N4BP2L2: variants seen among roughly 807,000 people sequenced by gnomAD.
The protein encoded by N4BP2L2 is NEDD4 binding protein 2 like 2.
In N4BP2L2, 50 loss-of-function variants were observed where a neutral mutation model predicts 56.2. That is an observed-to-expected ratio of 0.89 (90% CI 0.71 to 1.13). The LOEUF (loss-of-function observed/expected upper bound fraction) is 1.13. Ranked by LOEUF, N4BP2L2 falls within the 50% of genes most tolerant of loss-of-function variation. N4BP2L2 has a pLI of 0.00. For synonymous variants in N4BP2L2, 203 were observed against 223.6 expected (o/e 0.91, Z 0.82); for missense variants, 689 against 693.8 (o/e 0.99, Z 0.08).
chr13:32,450,207 G>A (rs2077699385), intron 6 of N4BP2L2, among the ~76,000 whole-genome samples: 1 of 152,124 alleles, frequency 6.6e-6, no homozygotes, highest in African/African-American at 2.4e-5. Context: ...AGTTAACTTT[G>A]AAATTAGTAA....
intron 6 of N4BP2L2, among the ~76,000 whole-genome samples, chr13:32,492,984 A>G (rs2087568714): frequency 7.7e-6 from 1 of 130,158 alleles, no homozygotes; most frequent in Admixed American, 9.0e-5. Flanking sequence ...GTGCTGTGGT[A>G]CGATCTCAGC....
chr13:32,442,453 A>AG lies in N4BP2L2; in HGVS notation c.2038dup (p.Leu680ProfsTer28). The AG allele has an allele frequency of 6.2e-7, 1 of 1,612,498 alleles. No individual in the cohort carries two copies. The highest frequency in any genetic ancestry group is 1.3e-5 in the African/African-American group (1 of 75,050). On this transcript the variant is annotated frameshift_variant, in exon 7 of 10. Transcript: ENST00000357505. LOFTEE classifies it high-confidence loss of function. ...AAAGGCAAACCCTTGTGATAATGGT[A>AG]GCTCAAGGGAACGGTAGTCAGTGCT...
intron 6 of N4BP2L2, among the ~76,000 whole-genome samples, chr13:32,467,474 C>A (rs989701704): frequency 1.3e-5 from 2 of 151,144 alleles, no homozygotes; most frequent in Non-Finnish European, 3.0e-5. Context: ...TTTAGGGTTT[C>A]GCTATGTTGG....
At chr13:32,460,336 A>T (rs1407950215) in intron 6 of N4BP2L2, among the ~76,000 whole-genome samples, 1 of 152,206 alleles carries the variant, frequency 6.6e-6, no homozygotes, top group Non-Finnish European at 1.5e-5. Flanking sequence ...AATAAAAAGC[A>T]TCCAAATTGA....
chr13:32,443,327 C>T, exon 7 of N4BP2L2: 1 of 1,614,020 alleles, frequency 6.2e-7, no homozygotes, highest in African/African-American at 1.3e-5. Context: ...CATGCTCTAT[C>T]TTTCTTTGGT....
rs199957648 is a variant in N4BP2L2 at position 32,435,306 on chromosome 13, TCAC to T, written c.*21+1052_*21+1054del. ...TGGAGTGCAGTGGGGCGATCTCAGC[TCAC>T]CACAACCTCTGCCTCCCAGGTTCAA... On this transcript the variant is annotated intron_variant, in intron 9 of 9. Transcript: ENST00000357505. Among the ~76,000 whole-genome samples the T allele has an allele frequency of 8.9e-3, 1,359 of 152,272 alleles. 28 individuals are homozygous for T. The highest frequency in any genetic ancestry group is 0.031 in the African/African-American group (1,274 of 41,548).
chr13:32,503,917 G>T (rs1593922977), intron 6 of N4BP2L2, among the ~76,000 whole-genome samples: 1 of 152,130 alleles, frequency 6.6e-6, no homozygotes, highest in African/African-American at 2.4e-5. Flanking sequence ...GATTGCTTGA[G>T]CCCAGGAGTT....
rs35025430 is a variant in N4BP2L2 at position 32,492,916 on chromosome 13, G to GTTTTTTTTT, written c.365+24932_365+24940dup. ...TGTGTGAATGTTTTGTAGCTTTTCT[G>GTTTTTTTTT]TTTTTTTTTTTTTTTTTTTTGAGAC... On this transcript the variant is annotated intron_variant, in intron 6 of 9. Coordinates refer to the N4BP2L2 transcript ENST00000357505. Among the ~76,000 whole-genome samples the GTTTTTTTTT allele has an allele frequency of 2.3e-4, 25 of 107,516 alleles. 1 individual carries two copies. Among genetic ancestry groups the GTTTTTTTTT allele is most frequent in the African/African-American group, 5.9e-4 (16 of 27,120 alleles). The allele number at this position is 107,516 out of a possible 152,430, so 70.5% of individuals were successfully genotyped here.
chr13:32,513,108 T>C (rs1027395950), exon 6 of N4BP2L2: 1 of 152,178 alleles, frequency 6.6e-6, no homozygotes, highest in Non-Finnish European at 1.5e-5. Context: ...TTACAAAAAT[T>C]ACACCACTCA....
At chr13:32,526,017 A>G (rs1239744967) in intron 3 of N4BP2L2, among the ~76,000 whole-genome samples, 1 of 144,460 alleles carries the variant, frequency 6.9e-6, no homozygotes, top group Non-Finnish European at 1.5e-5. Context: ...GGACAACCAA[A>G]TATCTGCTTG....
At chr13:32,512,344 A>C (rs1373535790) in exon 6 of N4BP2L2, 2 of 152,222 alleles carry the variant, frequency 1.3e-5, no homozygotes, top group Admixed American at 1.3e-4. Flanking sequence ...CCAATTGCTA[A>C]TGCAATTGTG....
intron 6 of N4BP2L2, among the ~76,000 whole-genome samples, chr13:32,473,435 GA>G (rs1009593547): frequency 2.0e-5 from 3 of 151,792 alleles, no homozygotes; most frequent in African/African-American, 7.3e-5. Flanking sequence ...AGTTTGGGGA[GA>G]AAAAAAATAA....
chr13:32,529,650 CTTTT>C (rs2054060887), intron 2 of N4BP2L2, among the ~76,000 whole-genome samples: 1 of 87,178 alleles, frequency 1.1e-5, no homozygotes, highest in African/African-American at 3.8e-5. Context: ...TTTATGCTTC[CTTTT>C]TTGTTTTTTT....
At chr13:32,455,424 T>C (rs953060103) in intron 6 of N4BP2L2, among the ~76,000 whole-genome samples, 4 of 152,158 alleles carry the variant, frequency 2.6e-5, no homozygotes, top group Non-Finnish European at 4.4e-5. Flanking sequence ...GCACAAGCCC[T>C]GAGATCAGAC....
chr13:32,502,963 A>C (rs1036870060), intron 6 of N4BP2L2, among the ~76,000 whole-genome samples: 1 of 152,166 alleles, frequency 6.6e-6, no homozygotes, highest in African/African-American at 2.4e-5. Context: ...ACCTGAGGTC[A>C]TAAGTTCGAT....
intron 9 of N4BP2L2, among the ~76,000 whole-genome samples, chr13:32,435,404 T>C (rs1749099127): frequency 6.6e-6 from 1 of 152,184 alleles, no homozygotes; most frequent in Admixed American, 6.5e-5. Context: ...TGGCTAATTT[T>C]TGTATTTTTA....
chr13:32,443,646 C>A (rs770140471), exon 7 of N4BP2L2: 2 of 1,611,396 alleles, frequency 1.2e-6, no homozygotes, highest in African/African-American at 1.3e-5. Flanking sequence ...TTCTAATATG[C>A]TTTTCTACCT....
At position 32,488,629 on chromosome 13, in the gene N4BP2L2, T is replaced by C. The variant is rs112116974; in HGVS notation, c.365+29228A>G. ...TAATAAAGGTATGTATATGTGTTTG[T>C]ATATTTATATATTTAAACATATGTG... On this transcript the variant is annotated intron_variant, in intron 6 of 9. Transcript: ENST00000357505. 3.8e-3 allele frequency among the ~76,000 whole-genome samples: 575 copies of C among 152,358 alleles called. 2 individuals carry two copies. The highest frequency in any genetic ancestry group is 0.013 in the African/African-American group (524 of 41,580).
chr13:32,466,921 C>T (rs771533087), intron 6 of N4BP2L2, among the ~76,000 whole-genome samples: 2 of 152,218 alleles, frequency 1.3e-5, no homozygotes, highest in African/African-American at 4.8e-5. Flanking sequence ...TAGATTCACA[C>T]TAAGACCTGA....
Sources: gnomAD v4.1 joint callset for allele counts (sites outside exome capture counted in the v4.1 genomes callset) on GRCh38, gnomAD v4.1.1 for gene constraint, MANE v1.5 for transcripts, NCBI Gene and HGNC (gene_info 2026-07-23, HGNC 2026-07-21) for gene names.